The following DENND2A variants were observed in gnomAD, a reference collection of about 807,000 sequenced individuals.
DENND2A encodes DENN domain-containing protein 2A.
DENND2A carries 53 observed loss-of-function variants against 105.3 expected under a neutral mutation model. The ratio of observed to expected loss-of-function variants is 0.50; its 90% CI spans 0.40 to 0.63. DENND2A has a LOEUF of 0.63. Ranked by LOEUF, DENND2A falls within the 30% of genes least tolerant of loss-of-function variation. The pLI is 0.00. For missense variants in DENND2A, 1,138 were observed against 1,279.6 expected, an observed-to-expected ratio of 0.89 and a Z score of 1.69; for synonymous variants, 522 against 508.4, an observed-to-expected ratio of 1.03 and a Z score of -0.36.
rs1023165190 is a variant in DENND2A, at chr7:140,523,086, C to G, written c.2665+221G>C. ...CCATGCCCAGATAATTTCCACGCCC[C>G]CCTTTTAAACAGGTACTTTAAGGCC... On this transcript the variant is annotated intron_variant, in intron 17 of 19. Coordinates refer to ENST00000496613, the MANE Select transcript of DENND2A (RefSeq NM_015689.5). This position sits in a 1 kb window ranked among gnomAD's most constrained non-coding sequence, Gnocchi z 4.5. Among the ~76,000 whole-genome samples the G allele has an allele frequency of 1.3e-5, 2 of 152,096 alleles. No homozygotes were observed. The highest frequency in any genetic ancestry group is 4.8e-5 in the African/African-American group (2 of 41,418).
intron 3 of DENND2A, among the ~76,000 whole-genome samples, chr7:140,595,579 G>A (rs1259559064): frequency 6.6e-6 from 1 of 151,992 alleles, no homozygotes. Context: ...GACCAGCCTG[G>A]GCAACATAGC....
chr7:140,569,492 C>G (rs548925004), intron 7 of DENND2A, among the ~76,000 whole-genome samples, 153 bp downstream of exon 7: 265 of 152,328 alleles, frequency 1.7e-3, no homozygotes, highest in Middle Eastern at 6.8e-3. Context: ...GAGCTCCCAG[C>G]CCCACCACTG....
chr7:140,618,326 A>G (rs1585766823), intron 1 of DENND2A, among the ~76,000 whole-genome samples: 1 of 152,250 alleles, frequency 6.6e-6, no homozygotes, highest in African/African-American at 2.4e-5. Context: ...ATCGCCAAAC[A>G]GGGAAGAGTC....
At chr7:140,531,681 G>A (rs1028637245) in intron 14 of DENND2A, among the ~76,000 whole-genome samples, 1 of 151,716 alleles carries the variant, frequency 6.6e-6, no homozygotes, top group Non-Finnish European at 1.5e-5. Context: ...CGGGCATGGT[G>A]GCGTGTGCCT....
rs1012982051 is a variant in DENND2A at position 140,559,361 on chromosome 7, C to T, written c.1889+347G>A. 2.0e-5 allele frequency among the ~76,000 whole-genome samples: 3 copies of T among 152,168 alleles called. No individual in the cohort carries two copies. The highest frequency in any genetic ancestry group is 2.1e-4 in the South Asian group (1 of 4,834). ...ACTCGGGATGAAGCAGAAATGTAAA[C>T]GGATCCCAATCCAAGAAACATCTGG... is the stretch of plus-strand genomic sequence containing the variant. On this transcript the variant is annotated intron_variant, in intron 10 of 19. Coordinates refer to ENST00000496613, the MANE Select transcript of DENND2A (RefSeq NM_015689.5). The surrounding 1 kb of genome is among the most constrained non-coding windows in gnomAD (Gnocchi z 4.1).
In DENND2A at chr7:140,527,958, G is replaced by A. The variant is rs897962300; in HGVS notation, c.2328-463C>T. Among the ~76,000 whole-genome samples, 4 of 151,652 alleles carry A rather than the reference G, an allele frequency of 2.6e-5. No individual in the cohort carries two copies. The highest frequency in any genetic ancestry group is 1.9e-4 in the East Asian group (1 of 5,160). On this transcript the variant is annotated intron_variant, in intron 14 of 19. Coordinates refer to ENST00000496613, the MANE Select transcript of DENND2A (RefSeq NM_015689.5). This position sits in a 1 kb window ranked among gnomAD's most constrained non-coding sequence, Gnocchi z 4.9. The stretch of plus-strand genomic sequence containing the variant: ...CAGGTTCAAGCAATTCTCCCACCTC[G>A]GCCTCCTGAGTAGCTGGGACTGCAG...
chr7:140,545,063 A>C (rs1051175378), intron 13 of DENND2A, among the ~76,000 whole-genome samples: 3 of 152,140 alleles, frequency 2.0e-5, no homozygotes, highest in African/African-American at 7.2e-5. Context: ...TTCCGGCCCC[A>C]CATGGTTGCG....
At position 140,569,721 on chromosome 7, in the gene DENND2A, G is replaced by T; in HGVS notation, c.1464C>A (p.Asn488Lys). Residue 488 changes from asparagine (N) to lysine (K), a missense_variant, in exon 7 of 20, where the codon AAC becomes AAA. Physicochemically the swap from Asn to Lys is moderately conservative, Grantham distance 94. This residue lies in a region of DENND2A where 627 missense variants were observed against 779.8 expected (regional missense o/e 0.80). Coordinates refer to ENST00000496613, the MANE Select transcript of DENND2A (RefSeq NM_015689.5). ...TTCCTCTCCGGACCTCATAAATGGC[G>T]TTGATTCGCAACACCAGCTGCCAGA... ...RKIPKLVLRI[N>K]AIYEVRRGKK... 6.2e-7 allele frequency: 1 copy of T among 1,613,096 alleles called. No individual in the cohort carries two copies. Among genetic ancestry groups the T allele is most frequent in the East Asian group, 2.2e-5 (1 of 44,852 alleles).
intron 1 of DENND2A, among the ~76,000 whole-genome samples, chr7:140,634,683 C>T (rs1227685331): frequency 1.3e-5 from 2 of 151,956 alleles, no homozygotes; most frequent in Non-Finnish European, 2.9e-5. Context: ...CCAGCCTGGC[C>T]AACATGGTGA....
chr7:140,581,215 G>A (rs2130632808), intron 5 of DENND2A, among the ~76,000 whole-genome samples: 1 of 152,220 alleles, frequency 6.6e-6, no homozygotes, highest in East Asian at 1.9e-4. Flanking sequence ...AGTGAGCCAA[G>A]ATCGAGCCAC....
intron 9 of DENND2A, among the ~76,000 whole-genome samples, chr7:140,562,427 T>A (rs1026564166): frequency 1.3e-5 from 2 of 151,922 alleles, no homozygotes; most frequent in African/African-American, 4.8e-5. Context: ...TTTGGGAGGC[T>A]GAGGCGGGCG....
intron 14 of DENND2A, among the ~76,000 whole-genome samples, chr7:140,534,081 A>ATTTT (rs3042407): frequency 3.7e-5 from 3 of 80,100 alleles, no homozygotes; most frequent in Admixed American, 1.7e-4. Context: ...TGCCTGGTTA[A>ATTTT]TTTTTTTTTT....
At chr7:140,595,403 T>A (rs1799242239) in intron 3 of DENND2A, among the ~76,000 whole-genome samples, 1 of 152,178 alleles carries the variant, frequency 6.6e-6, no homozygotes, top group Non-Finnish European at 1.5e-5. Flanking sequence ...GCAGCTGTAT[T>A]ATTGAGTTAA....
chr7:140,546,709 G>A, intron 13 of DENND2A, 90 bp downstream of exon 13: 1 of 1,515,590 alleles, frequency 6.6e-7, no homozygotes, highest in Non-Finnish European at 8.9e-7. Context: ...GAATTGGACT[G>A]CTCACTGAAA....
intron 2 of DENND2A, among the ~76,000 whole-genome samples, chr7:140,603,777 T>A (rs1344121045): frequency 1.3e-5 from 2 of 152,226 alleles, no homozygotes; most frequent in African/African-American, 2.4e-5. Context: ...TCCAATGAAA[T>A]TCAAGCTTCA....
intron 15 of DENND2A, among the ~76,000 whole-genome samples, 199 bp from the exon 16 acceptor site, chr7:140,525,991 A>G (rs2130463804): frequency 6.6e-6 from 1 of 152,224 alleles, no homozygotes; most frequent in East Asian, 1.9e-4. Context: ...CCTGAGCTGC[A>G]TGCTTTCAAC....
At chr7:140,543,431 G>A (rs1318484702) in intron 14 of DENND2A, 1 of 151,382 alleles carries the variant, frequency 6.6e-6, no homozygotes, top group African/African-American at 2.4e-5. Context: ...CACCATGCCA[G>A]CTGTGTCTTT....
chr7:140,608,296 C>T (rs1799764912), intron 1 of DENND2A, among the ~76,000 whole-genome samples: 1 of 152,202 alleles, frequency 6.6e-6, no homozygotes, highest in Non-Finnish European at 1.5e-5. Flanking sequence ...ACTCAGCAAT[C>T]AGTCCACCAG....
chr7:140,598,938 AT>A lies in DENND2A; in HGVS notation c.995+2464del, dbSNP rs948041763. Among the ~76,000 whole-genome samples, 17 of 151,370 alleles carry A rather than the reference AT, an allele frequency of 1.1e-4. 2 individuals are homozygous for A. The highest frequency in any genetic ancestry group is 2.9e-4 in the African/African-American group (12 of 41,326). On this transcript the variant is annotated intron_variant, in intron 3 of 19. Transcript: ENST00000496613. ...AAAGGAGAGAGACAAAGTGATTATT[AT>A]TTTTTTTTGCATATGACATGATGTT...
Sources: allele counts gnomAD v4.1 joint callset (sites outside exome capture counted in the v4.1 genomes callset), GRCh38; gene constraint gnomAD v4.1.1; regional missense constraint gnomAD v4.1.1; non-coding constraint Gnocchi (gnomAD v3.1); transcripts MANE v1.5; gene names NCBI Gene and HGNC (gene_info 2026-07-23, HGNC 2026-07-21).